The following MAP7D3 variants were observed in gnomAD, a reference collection of about 807,000 sequenced individuals.
MAP7D3 encodes the protein MAP7 domain containing 3.
Under a neutral mutation model 62.2 loss-of-function variants are expected in MAP7D3, and 45 were observed. The observed-to-expected ratio is 0.72, with a 90% CI of 0.57 to 0.93. MAP7D3 has a LOEUF of 0.93. Among genes scored for constraint, MAP7D3 ranks in the 40% least tolerant of loss-of-function variants. MAP7D3 has a pLI of 0.00. For synonymous variants in MAP7D3, 288 were observed against 248.8 expected (o/e 1.16, Z -1.48); for missense variants, 711 against 683.1 (o/e 1.04, Z -0.45).
chrX:136,225,926 G>A lies in MAP7D3; in HGVS notation c.2122C>T (p.Arg708Trp). Residue 708 changes from arginine (R) to tryptophan (W), a missense_variant, in exon 13 of 19, where the codon CGG (arginine) becomes TGG (tryptophan). Arg to Trp is a moderately radical substitution (Grantham distance 101). Coordinates refer to ENST00000316077, the MANE Select transcript of MAP7D3 (RefSeq NM_024597.4). ...GCGAGTACCTTTTTCCTTTCTAACC[G>A]TTCTTGTAAATTTTGTAACATAATT... ...ERIMLQNLQE[R>W]LERKKRIEEI... 2 of 1,190,157 alleles carry A rather than the reference G, an allele frequency of 1.7e-6. No homozygotes were observed. Among genetic ancestry groups the A allele is most frequent in the Non-Finnish European group, 2.3e-6 (2 of 878,903 alleles).
upstream of MAP7D3, among the ~76,000 whole-genome samples, chrX:136,255,520 C>G (rs995991209): frequency 9.0e-6 from 1 of 111,139 alleles, no homozygotes; most frequent in Non-Finnish European, 1.9e-5. Context: ...GAAGCCCTGC[C>G]CTCTAGGGTC....
intron 10 of MAP7D3, 34 bp from the exon 11 acceptor site, chrX:136,228,792 A>T (rs201295025): frequency 4.2e-5 from 47 of 1,110,255 alleles, no homozygotes; most frequent in Non-Finnish European, 5.4e-5. Context: ...CAGTTAAGAG[A>T]GCTAATCAAC....
At position 136,221,569 on chromosome X, in the gene MAP7D3, C is replaced by A. The variant is rs191703613; in HGVS notation, c.2288-606G>T. On this transcript the variant is annotated intron_variant, in intron 15 of 18. Transcript: ENST00000316077. ...CTCGATTTCCTGACCTCGTGATCCG[C>A]CCACCTCGGCCTCCCAAAGTGCTGG... Among the ~76,000 whole-genome samples the A allele has an allele frequency of 3.3e-3, 374 of 112,377 alleles. 1 individual carries two copies. Among genetic ancestry groups the A allele is most frequent in the African/African-American group, 0.012 (359 of 30,952 alleles).
intron 18 of MAP7D3, among the ~76,000 whole-genome samples, chrX:136,218,733 A>G (rs1457497734): frequency 8.9e-6 from 1 of 111,842 alleles, no homozygotes; most frequent in Non-Finnish European, 1.9e-5. Flanking sequence ...TGGTTTTGGA[A>G]ACAGGTTGAG....
intron 3 of MAP7D3, among the ~76,000 whole-genome samples, chrX:136,245,107 TA>T (rs1387936246): frequency 1.8e-5 from 2 of 112,383 alleles, no homozygotes; most frequent in Non-Finnish European, 3.8e-5. Context: ...TGATTTGAGC[TA>T]AAGTCAAACC....
rs1051480640 is a variant in MAP7D3 at position 136,228,670 on chromosome X, T to C, written c.1839A>G (p.Gln613=). The C allele has an allele frequency of 5.8e-6, 7 of 1,206,922 alleles. No individual in the cohort carries two copies. In the East Asian group the frequency reaches 9.0e-5, roughly 15 times the overall value. ...LTELRRLARE[Q]REKEEEERQR... ...GTCTTTCTTCTTCCTCTTTTTCTCT[T>C]TGTTCACGAGCAAGGCGGCGCAATT... Residue 613 remains glutamine, a synonymous_variant, in exon 11 of 19, where the codon CAA becomes CAG. Coordinates refer to ENST00000316077, the MANE Select transcript of MAP7D3 (RefSeq NM_024597.4).
chrX:136,251,220 C>T (rs1304890426), intron 1 of MAP7D3, 69 bp downstream of exon 1: 2 of 951,895 alleles, frequency 2.1e-6, no homozygotes, highest in Non-Finnish European at 2.8e-6. Flanking sequence ...CTCCGACGGC[C>T]CGGGGACTGC....
At chrX:136,250,707 G>A (rs2074494724) in intron 1 of MAP7D3, among the ~76,000 whole-genome samples, 1 of 112,229 alleles carries the variant, frequency 8.9e-6, no homozygotes, top group Non-Finnish European at 1.9e-5. Context: ...GGGTGCAGGA[G>A]GTAAGCCTTT....
chrX:136,226,892 G>A (rs1346054755), intron 12 of MAP7D3, among the ~76,000 whole-genome samples: 6 of 111,289 alleles, frequency 5.4e-5, no homozygotes, highest in Non-Finnish European at 1.1e-4. Flanking sequence ...ACTTTGGGAA[G>A]CTGAGGCGGG....
At chrX:136,225,009 T>C (rs936850943) in intron 13 of MAP7D3, 129 bp from the exon 14 acceptor site, 39 of 443,948 alleles carry the variant, frequency 8.8e-5, no homozygotes, top group Non-Finnish European at 1.5e-5. Flanking sequence ...ACCACAAATA[T>C]TACCAACAAA....
chrX:136,232,600 C>T (rs923065764), intron 7 of MAP7D3, among the ~76,000 whole-genome samples: 5 of 112,039 alleles, frequency 4.5e-5, no homozygotes, highest in Admixed American at 1.9e-4. Context: ...TAAACATCTT[C>T]GCCAGGGCTA....
At chrX:136,255,049 C>G (rs780686246), upstream of MAP7D3, among the ~76,000 whole-genome samples, 5 of 111,673 alleles carry the variant, frequency 4.5e-5, no homozygotes, top group Non-Finnish European at 5.7e-5. Flanking sequence ...AGCTCCATCT[C>G]TACTAAAAAA....
intron 6 of MAP7D3, among the ~76,000 whole-genome samples, chrX:136,238,656 T>A (rs1008177719): frequency 9.0e-6 from 1 of 111,377 alleles, no homozygotes; most frequent in African/African-American, 3.3e-5. Context: ...TGAACTTTTC[T>A]CAGACCAATA....
At chrX:136,235,041 C>T (rs1047581988) in intron 7 of MAP7D3, among the ~76,000 whole-genome samples, 1 of 111,933 alleles carries the variant, frequency 8.9e-6, no homozygotes, top group Non-Finnish European at 1.9e-5. Context: ...CCACAGCATA[C>T]ATACCAAAAT....
chrX:136,230,922 C>T lies in MAP7D3; in HGVS notation c.1458G>A (p.Lys486=), dbSNP rs1380359621. The T allele has an allele frequency of 8.4e-7, 1 of 1,196,999 alleles. No individual in the cohort carries two copies. The highest frequency in any genetic ancestry group is 1.1e-6 in the Non-Finnish European group (1 of 884,248). ...AACACTCAGTGTATGATGATAGACG[C>T]TTCTTGGCAATAGGGATTAAGGCCT... ...DKQALIPIAK[K]RLSSYTECYK... is the part of the protein sequence containing the mutation. The change falls in exon 9 of 19, where the codon AAG becomes AAA. Residue 486 remains lysine, a synonymous_variant. Coordinates refer to ENST00000316077, the MANE Select transcript of MAP7D3 (RefSeq NM_024597.4).
intron 6 of MAP7D3, among the ~76,000 whole-genome samples, chrX:136,240,054 CAA>C (rs1487788785): frequency 1.8e-5 from 2 of 110,628 alleles, no homozygotes; most frequent in Non-Finnish European, 3.8e-5. Context: ...ACCAAAAGTA[CAA>C]AAGTTAGCTG....
upstream of MAP7D3, among the ~76,000 whole-genome samples, chrX:136,252,955 G>A (rs1298736242): frequency 1.8e-5 from 2 of 109,583 alleles, no homozygotes; most frequent in Non-Finnish European, 3.8e-5. Context: ...AAAATTAGCT[G>A]GGCGTCGTGG....
chrX:136,244,979 T>C (rs2074431349), intron 3 of MAP7D3, among the ~76,000 whole-genome samples, 184 bp from the exon 4 acceptor site: 1 of 112,335 alleles, frequency 8.9e-6, no homozygotes, highest in South Asian at 3.7e-4. Context: ...AGAACCATTT[T>C]CACTGAGTAT....
chrX:136,229,150 T>C (rs908457264), intron 10 of MAP7D3, among the ~76,000 whole-genome samples: 4 of 111,706 alleles, frequency 3.6e-5, no homozygotes, highest in Non-Finnish European at 5.6e-5. Context: ...ATGTATCTGG[T>C]ATACATTTGA....
Sources: gnomAD v4.1 joint callset for allele counts (sites outside exome capture counted in the v4.1 genomes callset) on GRCh38, gnomAD v4.1.1 for gene constraint, MANE v1.5 for transcripts, NCBI Gene and HGNC (gene_info 2026-07-23, HGNC 2026-07-21) for gene names.